Variants in AGAP1 observed in about 807,000 individuals in gnomAD.
AGAP1 encodes ArfGAP with GTPase domain, ankyrin repeat and PH domain 1, also known as arf-GAP with GTPase, ANK repeat and PH domain-containing protein 1.
A neutral mutation model predicts 105.3 loss-of-function variants in AGAP1; 29 were observed. That is an observed-to-expected ratio of 0.28 (90% CI 0.21 to 0.38). AGAP1 has a LOEUF of 0.38. Ranked by LOEUF, AGAP1 falls within the 10% of genes least tolerant of loss-of-function variation. AGAP1 has a pLI of 1.00. For synonymous variants in AGAP1, 509 were observed against 485.9 expected, an observed-to-expected ratio of 1.05 and a Z score of -0.63; for missense variants, 998 against 1,165.1, an observed-to-expected ratio of 0.86 and a Z score of 2.09.
intron 8 of AGAP1, among the ~76,000 whole-genome samples, chr2:235,802,979 T>TGTGATGGTTGTGATTGTGGTGATG (rs1957608717): frequency 2.7e-4 from 1 of 3,728 alleles, no homozygotes; most frequent in Non-Finnish European, 6.6e-4. Flanking sequence ...TGGTTGTGGT[T>TGTGATGGTTGTGATTGTGGTGATG]GTGATGGTTG....
At chr2:235,861,971 T>C (rs1015588986) in intron 9 of AGAP1, among the ~76,000 whole-genome samples, 2 of 152,202 alleles carry the variant, frequency 1.3e-5, no homozygotes, top group Non-Finnish European at 2.9e-5. Flanking sequence ...GTGGGGTTCC[T>C]GAGTGTCCTG....
At chr2:235,505,230 C>A (rs973358831) in intron 1 of AGAP1, among the ~76,000 whole-genome samples, 1 of 152,112 alleles carries the variant, frequency 6.6e-6, no homozygotes, top group Non-Finnish European at 1.5e-5. Context: ...GCTGAAGACA[C>A]AAAAGAAGAA....
At position 235,882,695 on chromosome 2, in the gene AGAP1, A is replaced by C. The variant is rs2050089574; in HGVS notation, c.1051-650A>C. On this transcript the variant is annotated intron_variant, in intron 9 of 17. Coordinates refer to ENST00000304032, the MANE Select transcript of AGAP1 (RefSeq NM_001037131.3). The surrounding 1 kb of genome is among the most constrained non-coding windows in gnomAD (Gnocchi z 4.6). ...GGCCATGGTTGGCCAGGCTGGCCTC[A>C]AACTCCTGACCTCAGGTGATCTGCC... Among the ~76,000 whole-genome samples, 1 of 152,138 alleles carries C rather than the reference A, an allele frequency of 6.6e-6. No homozygotes were observed. The highest frequency in any genetic ancestry group is 1.5e-5 in the Non-Finnish European group (1 of 68,026).
At position 235,865,868 on chromosome 2, in the gene AGAP1, T is replaced by G. The variant is rs2049143964; in HGVS notation, c.1051-17477T>G. On this transcript the variant is annotated intron_variant, in intron 9 of 17. Coordinates refer to ENST00000304032, the MANE Select transcript of AGAP1 (RefSeq NM_001037131.3). The surrounding 1 kb of genome is among the most constrained non-coding windows in gnomAD (Gnocchi z 6.2). ...ATCGTGGATGTGAATTTGCCAGAAG[T>G]TTTCCGTTTGTGGAGGACTGGGGAA... 6.6e-6 allele frequency among the ~76,000 whole-genome samples: 1 copy of G among 152,180 alleles called. No homozygotes were observed. Among genetic ancestry groups the G allele is most frequent in the Non-Finnish European group, 1.5e-5 (1 of 68,036 alleles).
rs1951487880 is a variant in AGAP1, at chr2:235,723,455, AC to A, written c.310+5816del. ...AATGTGGACCTGCCCAAGACACTTC[AC>A]CCCCTGCAGGTGGGGAGAGTGTGGC... On this transcript the variant is annotated intron_variant, in intron 3 of 17. Transcript: ENST00000304032. This position sits in a 1 kb window ranked among gnomAD's most constrained non-coding sequence, Gnocchi z 6.2. Among the ~76,000 whole-genome samples, 1 of 152,054 alleles carries A rather than the reference AC, an allele frequency of 6.6e-6. No individual in the cohort carries two copies. The highest frequency in any genetic ancestry group is 6.6e-5 in the Admixed American group (1 of 15,260).
At position 235,557,458 on chromosome 2, in the gene AGAP1, A is replaced by G. The variant is rs1944010225; in HGVS notation, c.163+62609A>G. On this transcript the variant is annotated intron_variant, in intron 1 of 17. Transcript: ENST00000304032. This position sits in a 1 kb window ranked among gnomAD's most constrained non-coding sequence, Gnocchi z 4.7. The stretch of plus-strand genomic sequence containing the variant: ...CATCTTGATTTGGTAAAAGGCATGA[A>G]GTCTGAGTTCATTCCGAAGATTCTG... Among the ~76,000 whole-genome samples the G allele has an allele frequency of 6.6e-6, 1 of 152,228 alleles. No homozygotes were observed. The highest frequency in any genetic ancestry group is 2.1e-4 in the South Asian group (1 of 4,826).
intron 16 of AGAP1, among the ~76,000 whole-genome samples, chr2:236,072,094 C>G (rs2058510969): frequency 1.4e-5 from 2 of 144,708 alleles, no homozygotes; most frequent in African/African-American, 2.6e-5. Context: ...TCTCTCCTGT[C>G]TGTTCTCTCC....
At chr2:235,704,057 C>G (rs2149488758) in intron 1 of AGAP1, among the ~76,000 whole-genome samples, 1 of 152,326 alleles carries the variant, frequency 6.6e-6, no homozygotes, top group South Asian at 2.1e-4. Flanking sequence ...TGGCTCCTGG[C>G]TCCCTGACCC....
intron 11 of AGAP1, among the ~76,000 whole-genome samples, chr2:235,912,834 C>G (rs892293646): frequency 2.0e-5 from 3 of 152,138 alleles, no homozygotes; most frequent in African/African-American, 4.8e-5. Flanking sequence ...ATCTGATGAG[C>G]GATAAAAATG....
chr2:235,822,906 A>G (rs1305027087), intron 9 of AGAP1, among the ~76,000 whole-genome samples: 2 of 152,190 alleles, frequency 1.3e-5, no homozygotes, highest in Non-Finnish European at 2.9e-5. Flanking sequence ...ATGGATGGCT[A>G]TTGATTTCCC....
chr2:235,936,801 G>C lies in AGAP1; in HGVS notation c.1483+5878G>C, dbSNP rs376401700. Among the ~76,000 whole-genome samples the C allele has an allele frequency of 6.6e-6, 1 of 152,064 alleles. No homozygotes were observed. Among genetic ancestry groups the C allele is most frequent in the East Asian group, 1.9e-4 (1 of 5,184 alleles). ...GTTGTGACCTTCATGCCTAACACTC[G>C]TTTCCCTGGGGATCATCATCTCTGA... On this transcript the variant is annotated intron_variant, in intron 12 of 17. Coordinates refer to ENST00000304032, the MANE Select transcript of AGAP1 (RefSeq NM_001037131.3). This position sits in a 1 kb window ranked among gnomAD's most constrained non-coding sequence, Gnocchi z 4.7.
At chr2:235,518,617 G>A (rs1200036654) in intron 1 of AGAP1, among the ~76,000 whole-genome samples, 1 of 152,144 alleles carries the variant, frequency 6.6e-6, no homozygotes, top group Non-Finnish European at 1.5e-5. Flanking sequence ...TCTTCAGCTG[G>A]TGTTTTCTGC....
chr2:235,655,989 C>T lies in AGAP1; in HGVS notation c.164-53190C>T, dbSNP rs1443780844. Reference sequence around the variant, plus strand: ...TAAGTAACTAGCAGGGCTGTACACACTCTACCAGGAAAGACAAAGAAATGC... The same window carrying T: ...TAAGTAACTAGCAGGGCTGTACACATTCTACCAGGAAAGACAAAGAAATGC... On this transcript the variant is annotated intron_variant, in intron 1 of 17. Coordinates refer to ENST00000304032, the MANE Select transcript of AGAP1 (RefSeq NM_001037131.3). This position sits in a 1 kb window ranked among gnomAD's most constrained non-coding sequence, Gnocchi z 4.3. 6.6e-6 allele frequency among the ~76,000 whole-genome samples: 1 copy of T among 152,208 alleles called. No homozygotes were observed. Among genetic ancestry groups the T allele is most frequent in the Non-Finnish European group, 1.5e-5 (1 of 68,040 alleles).
rs139983101 is a variant in AGAP1, at chr2:236,017,973, A to T, written c.1646-18588A>T. On this transcript the variant is annotated intron_variant, in intron 13 of 17. Transcript: ENST00000304032. ...CACGTGGAAGGAGTTTGTGGATGGA[A>T]GTCAGGAGTGGATAAAAACAAACAA... 5.9e-3 allele frequency among the ~76,000 whole-genome samples: 892 copies of T among 152,316 alleles called. 5 individuals are homozygous for T. Among genetic ancestry groups the T allele is most frequent in the African/African-American group, 0.02 (841 of 41,568 alleles).
At position 235,728,326 on chromosome 2, in the gene AGAP1, T is replaced by TGTGTGTGC. The variant is rs986896995; in HGVS notation, c.310+10683_310+10684insTGTGTGCG. Among the ~76,000 whole-genome samples the TGTGTGTGC allele has an allele frequency of 6.6e-6, 1 of 151,628 alleles. No individual in the cohort carries two copies. The highest frequency in any genetic ancestry group is 2.4e-5 in the African/African-American group (1 of 41,084). ...CTGTGTGTGTGTGTGTGTGTGTGTG[T>TGTGTGTGC]GCGTGCTCTTAAATCAATGTAAATT... On this transcript the variant is annotated intron_variant, in intron 3 of 17. Transcript: ENST00000304032. This position sits in a 1 kb window ranked among gnomAD's most constrained non-coding sequence, Gnocchi z 4.3.
chr2:235,686,872 C>T (rs1265895175), intron 1 of AGAP1, among the ~76,000 whole-genome samples: 3 of 150,710 alleles, frequency 2.0e-5, no homozygotes, highest in African/African-American at 4.9e-5. Context: ...CTGTGCTGCC[C>T]AGGCTGGTCT....
rs1488352638 is a variant in AGAP1, at chr2:235,686,650, T to G, written c.164-22529T>G. On this transcript the variant is annotated intron_variant, in intron 1 of 17. Transcript: ENST00000304032. ...ATATATATATATATATATATAGATA[T>G]ATATATATATATATATTTTTTTTTT... Among the ~76,000 whole-genome samples the G allele has an allele frequency of 3.0e-4, 14 of 45,916 alleles. 2 individuals are homozygous for G. Among genetic ancestry groups the G allele is most frequent in the South Asian group, 2.6e-3 (3 of 1,158 alleles). 30.1% of individuals were successfully genotyped at this position (45,916 alleles called of 152,430 possible).
rs200975732 is a variant in AGAP1 at position 236,005,128 on chromosome 2, TG to T, written c.1646-31432del. Among the ~76,000 whole-genome samples, 1,166 of 148,374 alleles carry T rather than the reference TG, an allele frequency of 7.9e-3. 11 individuals carry two copies. The highest frequency in any genetic ancestry group is 0.029 in the African/African-American group (1,106 of 38,246). On this transcript the variant is annotated intron_variant, in intron 13 of 17. Transcript: ENST00000304032. This position sits in a 1 kb window ranked among gnomAD's most constrained non-coding sequence, Gnocchi z 4.1. ...CCTGACAAGTTTCCCATGTTTTTTG[TG>T]TGTGTGTGTGTTTTGGTTTTTGTTT...
intron 1 of AGAP1, among the ~76,000 whole-genome samples, chr2:235,680,365 G>A (rs1474295157): frequency 1.3e-5 from 2 of 152,178 alleles, no homozygotes; most frequent in Non-Finnish European, 2.9e-5. Context: ...GGGTTTGAGT[G>A]TGAATGCTGG....
Sources: gnomAD v4.1 joint callset for allele counts (sites outside exome capture counted in the v4.1 genomes callset) on GRCh38, gnomAD v4.1.1 for gene constraint, Gnocchi (gnomAD v3.1) non-coding constraint, MANE v1.5 for transcripts, NCBI Gene and HGNC (gene_info 2026-07-23, HGNC 2026-07-21) for gene names.